MFF: variants seen among roughly 807,000 people sequenced by gnomAD.
MFF encodes chromosome 2 open reading frame 33.
MFF carries 12 observed loss-of-function variants against 36.9 expected under a neutral mutation model. The observed-to-expected ratio is 0.33, with a 90% CI of 0.21 to 0.53. The LOEUF (loss-of-function observed/expected upper bound fraction) is 0.53. MFF is among the 20% of genes least tolerant of loss of function. The probability of loss-of-function intolerance (pLI) is 0.95; values close to 1 mark genes in which losing one functional copy is unlikely to be tolerated. For synonymous variants in MFF, 99 were observed against 126.2 expected (o/e 0.78, Z 1.44); for missense variants, 348 against 366.6 (o/e 0.95, Z 0.42).
chr2:227,338,882 T>G (rs1033234250), intron 4 of MFF, among the ~76,000 whole-genome samples: 5 of 150,436 alleles, frequency 3.3e-5, no homozygotes. Flanking sequence ...GCTATTTTAG[T>G]GGGGGGTTTT....
intron 4 of MFF, among the ~76,000 whole-genome samples, chr2:227,333,153 T>G (rs1322246657): frequency 1.3e-5 from 2 of 152,248 alleles, no homozygotes; most frequent in South Asian, 4.1e-4. Context: ...TGATGATTGC[T>G]GGGGTTACAT....
chr2:227,354,176 G>A (rs1469928203), intron 7 of MFF, among the ~76,000 whole-genome samples: 1 of 152,186 alleles, frequency 6.6e-6, no homozygotes, highest in Non-Finnish European at 1.5e-5. Context: ...TCTAGAGTCA[G>A]TACACACCAT....
At position 227,330,740 on chromosome 2, in the gene MFF, A is replaced by G; in HGVS notation, c.75A>G (p.Glu25=). The change falls in exon 3 of 9, where the codon GAA becomes GAG. Residue 25 remains glutamate, a synonymous_variant. Coordinates refer to ENST00000304593, the MANE Select transcript of MFF (RefSeq NM_001277062.2). ...TTAGTCAGCGAATGAGGGTCCCAGA[A>G]AAGTTAAAAGTAGCACCGCCAAACG... ...EGISQRMRVP[E]KLKVAPPNAD... is the part of the protein sequence containing the mutation. 1 of 1,614,232 alleles carries G rather than the reference A, an allele frequency of 6.2e-7. No individual in the cohort carries two copies. The highest frequency in any genetic ancestry group is 8.5e-7 in the Non-Finnish European group (1 of 1,180,024).
rs1179323728 is a variant in MFF at position 227,347,380 on chromosome 2, C to T, written c.595C>T (p.Arg199Cys). Residue 199 changes from arginine (R) to cysteine (C), a missense_variant, in exon 6 of 9, where the codon CGC (arginine) becomes TGC (cysteine). By Grantham distance (180) the Arg-to-Cys change is radical. Transcript: ENST00000304593. ...QQILDVLDEN[R>C]RPVLRGGSAA... The stretch of plus-strand genomic sequence containing the variant: ...GATCTTGGATGTGCTGGATGAAAAT[C>T]GCAGGTGATTGGCCATCCGTGACTC... The T allele has an allele frequency of 1.2e-6, 2 of 1,613,366 alleles. No individual in the cohort carries two copies. The highest frequency in any genetic ancestry group is 1.7e-5 in the Admixed American group (1 of 60,006).
chr2:227,330,343 G>A, intron 2 of MFF: 2 of 283,698 alleles, frequency 7.0e-6, no homozygotes, highest in South Asian at 1.3e-4. Context: ...CAGAGAGTAT[G>A]TGTGTATGTG....
intron 8 of MFF, among the ~76,000 whole-genome samples, 167 bp downstream of exon 8, chr2:227,355,928 T>C (rs184825989): frequency 3.9e-5 from 6 of 152,376 alleles, no homozygotes; most frequent in Admixed American, 1.3e-4. Flanking sequence ...ACCATTTACA[T>C]GTTTTGATCA....
In MFF at chr2:227,356,404, G is replaced by A. The variant is rs142874055; in HGVS notation, c.745-582G>A. 4.1e-3 allele frequency among the ~76,000 whole-genome samples: 624 copies of A among 152,302 alleles called. 6 individuals are homozygous for A. The highest frequency in any genetic ancestry group is 0.014 in the African/African-American group (595 of 41,556). ...TTTTCACAGTAAGGGCTAACAGCAA[G>A]GATGGTACTGTCAGCCAGCAGCATT... On this transcript the variant is annotated intron_variant, in intron 8 of 8. Transcript: ENST00000304593.
chr2:227,343,053 A>G (rs143777853), intron 5 of MFF, among the ~76,000 whole-genome samples: 4 of 152,198 alleles, frequency 2.6e-5, no homozygotes, highest in Non-Finnish European at 5.9e-5. Flanking sequence ...GTGTTGGTGA[A>G]AGGAACCTGA....
chr2:227,345,505 G>A (rs1301009387), intron 5 of MFF, among the ~76,000 whole-genome samples: 7 of 152,160 alleles, frequency 4.6e-5, no homozygotes, highest in Admixed American at 3.9e-4. Flanking sequence ...GGCAGTTAAC[G>A]CTGGCTGCTC....
intron 6 of MFF, among the ~76,000 whole-genome samples, chr2:227,350,935 G>A (rs1161344597): frequency 1.3e-5 from 2 of 152,160 alleles, no homozygotes; most frequent in African/African-American, 2.4e-5. Flanking sequence ...TCAATTGCCA[G>A]TGTGAGAAGA....
intron 5 of MFF, among the ~76,000 whole-genome samples, chr2:227,343,126 T>C (rs62279174): frequency 0.32 from 48,765 of 151,916 alleles, 8,118 homozygotes; most frequent in Admixed American, 0.43. Context: ...GTTGGTATAA[T>C]AGTTCTCAAC....
At chr2:227,352,705 C>T (rs1233964759) in intron 7 of MFF, 132 bp downstream of exon 7, 2 of 728,182 alleles carry the variant, frequency 2.7e-6, no homozygotes, top group Non-Finnish European at 4.9e-6. Context: ...TCGATGAGTA[C>T]ATCTTGCTTC....
chr2:227,356,904 A>G, intron 8 of MFF, 82 bp from the exon 9 acceptor site: 1 of 1,086,798 alleles, frequency 9.2e-7, no homozygotes, highest in Non-Finnish European at 1.3e-6. Flanking sequence ...AAATTATTAT[A>G]CTACTTACTT....
chr2:227,357,690 T>C lies in MFF; in HGVS notation c.*573T>C, dbSNP rs936829539. ...TCTAACATTGCAGCAGTTTCATATG[T>C]GTGCAATATGTGCATTCTTTCATTT... On this transcript the variant is annotated 3_prime_UTR_variant, in exon 9 of 9. Coordinates refer to ENST00000304593, the MANE Select transcript of MFF (RefSeq NM_001277062.2). 50 of 152,494 alleles carry C rather than the reference T, an allele frequency of 3.3e-4. No homozygotes were observed. The highest frequency in any genetic ancestry group is 1.2e-3 in the African/African-American group (50 of 41,602). The allele number at this position is 152,494 out of a possible 1,614,324, so 9.4% of individuals were successfully genotyped here. A position where few individuals can be genotyped will look rare whatever the true frequency, so the allele number is the denominator to read the frequency against.
rs553584197 is a variant in MFF, at chr2:227,341,522, G to A, written c.440+1142G>A. ...TGAATATATATCTCCTTCAGGGAAT[G>A]CTTATGCAAGATTCAACCATTAGTA... On this transcript the variant is annotated intron_variant, in intron 5 of 8. Transcript: ENST00000304593. 4.6e-5 allele frequency among the ~76,000 whole-genome samples: 7 copies of A among 152,188 alleles called. No homozygotes were observed. In the East Asian group the frequency reaches 1.2e-3, roughly 25 times the overall value.
intron 3 of MFF, among the ~76,000 whole-genome samples, chr2:227,331,531 T>G (rs1037735695): frequency 6.6e-6 from 1 of 152,236 alleles, no homozygotes; most frequent in Admixed American, 6.5e-5. Context: ...AGGAGTGAAA[T>G]TGCTGGATTA....
chr2:227,357,113 G>A lies in MFF; in HGVS notation c.872G>A (p.Arg291His), dbSNP rs373848527. Reference sequence around the variant, plus strand: ...CTTAATAGCTGGCTCTGGTTTCGCCGCTAGAGGTAACATCAGCCCTCAAAA... The same window carrying A: ...CTTAATAGCTGGCTCTGGTTTCGCCACTAGAGGTAACATCAGCCCTCAAAA... The part of the protein sequence containing the change: ...WLLNSWLWFR[R>H] Residue 291 changes from arginine to histidine, a missense_variant, in exon 9 of 9, where the codon CGC becomes CAC. Transcript: ENST00000304593. The A allele has an allele frequency of 5.3e-5, 85 of 1,611,296 alleles. No individual in the cohort carries two copies. The highest frequency in any genetic ancestry group is 4.3e-4 in the African/African-American group (32 of 74,946).
At chr2:227,352,309 A>G in intron 6 of MFF, 1 of 486,276 alleles carries the variant, frequency 2.1e-6, no homozygotes. Flanking sequence ...TTCTTTGATC[A>G]ATAGTAATGT....
chr2:227,344,538 T>TA (rs5839204), intron 5 of MFF, among the ~76,000 whole-genome samples: 20,500 of 152,134 alleles, frequency 0.13, 1,440 homozygotes, highest in Non-Finnish European at 0.15. Flanking sequence ...CATTTATTTG[T>TA]AAAAAATACC....
Sources: allele counts gnomAD v4.1 joint callset (sites outside exome capture counted in the v4.1 genomes callset), GRCh38; gene constraint gnomAD v4.1.1; transcripts MANE v1.5; gene names NCBI Gene and HGNC (gene_info 2026-07-23, HGNC 2026-07-21).